Variants in SPECC1 observed in about 807,000 individuals in gnomAD.
The protein encoded by SPECC1 is sperm antigen with calponin homology and coiled-coil domains 1, also known as cytospin-B.
In SPECC1, 62 loss-of-function variants were observed where a neutral mutation model predicts 104.1. The observed-to-expected ratio is 0.60, with a 90% CI of 0.49 to 0.74. The LOEUF (loss-of-function observed/expected upper bound fraction) is 0.74, where lower values mean the gene tolerates loss of function less well. Among genes scored for constraint, SPECC1 ranks in the 30% least tolerant of loss-of-function variants. The pLI, the probability that SPECC1 is intolerant of heterozygous loss-of-function variation, is 0.00. For missense variants in SPECC1, 1,306 were observed against 1,310.5 expected, an observed-to-expected ratio of 1.00 and a Z score of 0.05; for synonymous variants, 513 against 501.6, an observed-to-expected ratio of 1.02 and a Z score of -0.30.
At chr17:20,013,186 A>G (rs987287646) in intron 1 of SPECC1, among the ~76,000 whole-genome samples, 3 of 152,358 alleles carry the variant, frequency 2.0e-5, no homozygotes, top group African/African-American at 7.2e-5. Context: ...TATCTCTTCA[A>G]GACCCTGCTT....
At chr17:20,311,100 GGT>G (rs374684331) in intron 14 of SPECC1, among the ~76,000 whole-genome samples, 3,818 of 130,920 alleles carry the variant, frequency 0.029, 138 homozygotes, top group African/African-American at 0.091. Flanking sequence ...ACCTTAGTGG[GGT>G]TTTTTTTTTT....
intron 1 of SPECC1, among the ~76,000 whole-genome samples, chr17:20,018,542 C>A (rs2152431060): frequency 6.6e-6 from 1 of 152,372 alleles, no homozygotes; most frequent in South Asian, 2.1e-4. Context: ...CGGCATGGGC[C>A]ACCATGCCCA....
At chr17:20,138,325 C>G (rs1243656057) in intron 3 of SPECC1, among the ~76,000 whole-genome samples, 1 of 152,116 alleles carries the variant, frequency 6.6e-6, no homozygotes, top group Admixed American at 6.5e-5. Context: ...ACAGCCTCTC[C>G]CATTATCAAC....
intron 7 of SPECC1, among the ~76,000 whole-genome samples, chr17:20,233,084 G>C (rs2038699283): frequency 6.6e-6 from 1 of 152,172 alleles, no homozygotes. Flanking sequence ...AATTTAGATG[G>C]TTTACAGACA....
intron 3 of SPECC1, among the ~76,000 whole-genome samples, chr17:20,193,251 G>A (rs1192776678): frequency 2.0e-5 from 3 of 152,180 alleles, no homozygotes; most frequent in Non-Finnish European, 2.9e-5. Flanking sequence ...CTTTACTGCA[G>A]CCTGTTATAT....
intron 12 of SPECC1, among the ~76,000 whole-genome samples, chr17:20,276,682 C>T (rs988593159): frequency 4.6e-5 from 7 of 152,180 alleles, no homozygotes; most frequent in African/African-American, 1.7e-4. Context: ...AAAACCCAGG[C>T]CTGAGACTCT....
Position 20,314,155 on chromosome 17 carries a change from A to G in SPECC1, c.*90A>G. The G allele has an allele frequency of 9.0e-7, 1 of 1,107,226 alleles. No individual in the cohort carries two copies. The highest frequency in any genetic ancestry group is 1.3e-5 in the South Asian group (1 of 75,004). 68.6% of individuals were successfully genotyped at this position (1,107,226 alleles called of 1,614,324 possible). ...ACTGTCCACTGACCCTGCTCTGCCC[A>G]CCACCCAGCTGCCTAGACTTCAAAG... On this transcript the variant is annotated 3_prime_UTR_variant, in exon 15 of 15. Transcript: ENST00000395527.
intron 3 of SPECC1, among the ~76,000 whole-genome samples, chr17:20,188,651 T>A (rs1034451017): frequency 3.9e-5 from 6 of 152,192 alleles, no homozygotes; most frequent in Non-Finnish European, 7.3e-5. Context: ...TCTTTATCTG[T>A]AAAATAACAA....
At chr17:20,231,298 G>C (rs2038560874) in intron 5 of SPECC1, among the ~76,000 whole-genome samples, 1 of 152,200 alleles carries the variant, frequency 6.6e-6, no homozygotes, top group African/African-American at 2.4e-5. Flanking sequence ...CTGTGATTGA[G>C]ACCCATGACT....
chr17:20,189,940 G>A (rs1017213873), intron 3 of SPECC1, among the ~76,000 whole-genome samples: 1 of 152,108 alleles, frequency 6.6e-6, no homozygotes, highest in South Asian at 2.1e-4. Flanking sequence ...AAGTAAAATG[G>A]GTGAGTAATT....
chr17:20,299,070 C>T (rs2041473701), intron 13 of SPECC1, among the ~76,000 whole-genome samples: 1 of 151,512 alleles, frequency 6.6e-6, no homozygotes, highest in African/African-American at 2.4e-5. Flanking sequence ...CCAGCATCTG[C>T]AGGGTAAGCC....
intron 1 of SPECC1, among the ~76,000 whole-genome samples, chr17:20,070,363 G>A (rs1276424527): frequency 2.0e-5 from 3 of 152,042 alleles, no homozygotes; most frequent in Non-Finnish European, 4.4e-5. Context: ...TGCATCTATC[G>A]AGATGATCAT....
chr17:20,082,453 G>A (rs996920806), intron 1 of SPECC1, among the ~76,000 whole-genome samples: 1 of 152,064 alleles, frequency 6.6e-6, no homozygotes, highest in Non-Finnish European at 1.5e-5. Context: ...AAAAAAATTA[G>A]CCAGGCGTGG....
intron 7 of SPECC1, among the ~76,000 whole-genome samples, chr17:20,236,395 G>A (rs897382637): frequency 1.4e-4 from 12 of 88,262 alleles, no homozygotes; most frequent in African/African-American, 9.4e-4. Flanking sequence ...CTAAAGAGCT[G>A]TGTCTGCCTC....
At chr17:20,209,372 T>C (rs891354597) in intron 4 of SPECC1, among the ~76,000 whole-genome samples, 24 of 152,178 alleles carry the variant, frequency 1.6e-4, no homozygotes, top group Non-Finnish European at 2.1e-4. Context: ...CATCCTATGA[T>C]CTAATAGATT....
At chr17:20,085,353 T>C (rs540740680) in intron 1 of SPECC1, among the ~76,000 whole-genome samples, 12 of 152,302 alleles carry the variant, frequency 7.9e-5, no homozygotes, top group African/African-American at 2.9e-4. Context: ...GGCACATCCA[T>C]AGGGGGCAGC....
intron 1 of SPECC1, among the ~76,000 whole-genome samples, chr17:20,081,553 G>C (rs1393268981): frequency 6.6e-6 from 1 of 152,020 alleles, no homozygotes; most frequent in African/African-American, 2.4e-5. Flanking sequence ...AGGAGTGATG[G>C]GATCTGACCT....
chr17:20,052,615 C>T (rs943871505), intron 1 of SPECC1, among the ~76,000 whole-genome samples: 1 of 152,214 alleles, frequency 6.6e-6, no homozygotes, highest in Non-Finnish European at 1.5e-5. Context: ...GATACCAAGT[C>T]TGTCAGGGTC....
chr17:20,040,252 A>G (rs1055368505), intron 1 of SPECC1, among the ~76,000 whole-genome samples: 6 of 152,248 alleles, frequency 3.9e-5, no homozygotes, highest in South Asian at 4.1e-4. Flanking sequence ...TACCACTTCA[A>G]TGAGGTATAG....
Sources: gnomAD v4.1 joint callset for allele counts (sites outside exome capture counted in the v4.1 genomes callset) on GRCh38, gnomAD v4.1.1 for gene constraint, MANE v1.5 for transcripts, NCBI Gene and HGNC (gene_info 2026-07-23, HGNC 2026-07-21) for gene names.